The following ITGAD variants were observed in gnomAD, a reference collection of about 807,000 sequenced individuals.
The protein encoded by ITGAD is integrin alpha-D.
Under a neutral mutation model 139.0 loss-of-function variants are expected in ITGAD, and 105 were observed. The observed-to-expected ratio is 0.76, with a 90% CI of 0.65 to 0.89. The LOEUF (loss-of-function observed/expected upper bound fraction) is 0.89. Ranked by LOEUF, ITGAD falls within the 40% of genes least tolerant of loss-of-function variation. The pLI is 0.00. For missense variants in ITGAD, 1,384 were observed against 1,487.3 expected (o/e 0.93, Z 1.14); for synonymous variants, 569 against 598.3 (o/e 0.95, Z 0.71).
rs373334422 is a variant in ITGAD, at chr16:31,414,436, T to C, written c.1997-15T>C. On this transcript the variant is annotated splice_polypyrimidine_tract_variant and intron_variant, in intron 16 of 29. Coordinates refer to ENST00000389202, the MANE Select transcript of ITGAD (RefSeq NM_005353.3). ...ATTTCTGCCTTTTCATTTTGCACTC[T>C]CCCCTGCACTTCAGGTGACATCCAA... 3.0e-5 allele frequency: 49 copies of C among 1,610,574 alleles called. No individual in the cohort carries two copies. The African/African-American group carries it at 6.0e-4, about 20-fold the overall frequency.
chr16:31,401,039 G>A (rs148486703), intron 5 of ITGAD, among the ~76,000 whole-genome samples: 100 of 152,188 alleles, frequency 6.6e-4, no homozygotes, highest in African/African-American at 2.1e-3. Flanking sequence ...TGAGTGGATC[G>A]TTAGAGCCCA....
chr16:31,401,494 G>A (rs980388662), intron 5 of ITGAD, among the ~76,000 whole-genome samples: 1 of 152,154 alleles, frequency 6.6e-6, no homozygotes. Context: ...GGGTAGGGTG[G>A]GGTCTGGGGT....
Position 31,408,877 on chromosome 16 carries a change from G to A in ITGAD, c.1083+379G>A, listed in dbSNP as rs542851286. Among the ~76,000 whole-genome samples the A allele has an allele frequency of 1.6e-3, 249 of 152,316 alleles. 1 individual carries two copies. The highest frequency in any genetic ancestry group is 1.2e-3 in the East Asian group (6 of 5,168). On this transcript the variant is annotated intron_variant, in intron 10 of 29. Coordinates refer to ENST00000389202, the MANE Select transcript of ITGAD (RefSeq NM_005353.3). ...GTCCTGAGGCAGGACCCAGGTCCTC[G>A]GCGGGAGAGATCCGGGCTTGCCAGA...
rs554776203 is a variant in ITGAD at position 31,420,607 on chromosome 16, T to C, written c.2780+2043T>C. On this transcript the variant is annotated intron_variant, in intron 23 of 29. Transcript: ENST00000389202. ...GTTTGTTTTTGAGATGGAGTTTCAC[T>C]CTTGTTGCCCAGGCTGGAGTGCAAT... Among the ~76,000 whole-genome samples the C allele has an allele frequency of 4.0e-5, 6 of 151,472 alleles. No individual in the cohort carries two copies. In the South Asian group the frequency reaches 1.3e-3, roughly 32 times the overall value.
At position 31,424,522 on chromosome 16, in the gene ITGAD, G is replaced by A. The variant is rs769321087; in HGVS notation, c.3317G>A (p.Gly1106Asp). The change falls in exon 29 of 30, where the codon GGC becomes GAC. Residue 1106 changes from glycine to aspartate, a missense_variant. Gly to Asp is a moderately conservative substitution (Grantham distance 94, BLOSUM62 -1). Transcript: ENST00000389202. The part of the protein sequence containing the change: ...EVYNAIPIIM[G>D]SSVGALLLLA... The stretch of plus-strand genomic sequence containing the variant: ...TACAATGCCATTCCCATCATCATGG[G>A]CAGCTCTGTGGGGGCTCTGCTACTG... The A allele has an allele frequency of 6.2e-7, 1 of 1,614,028 alleles. No homozygotes were observed.
Position 31,414,528 on chromosome 16 carries a change from A to G in ITGAD, c.2074A>G (p.Thr692Ala), listed in dbSNP as rs780575343. ...GACTTCTCGTGCCATTTTCAATGAAACCAAGAACCCCACTTTGACTCGAAG... is the reference window on the plus strand; with the variant it reads ...GACTTCTCGTGCCATTTTCAATGAAGCCAAGAACCCCACTTTGACTCGAAG... ...RLTSRAIFNE[T>A]KNPTLTRRKT... is the part of the protein sequence containing the mutation. The change falls in exon 17 of 30, where the codon ACC (threonine) becomes GCC (alanine). Residue 692 changes from threonine to alanine, a missense_variant. Transcript: ENST00000389202. 3.7e-6 allele frequency: 6 copies of G among 1,614,208 alleles called. No homozygotes were observed. The East Asian group carries it at 1.3e-4, about 36-fold the overall frequency.
chr16:31,396,398 G>C (rs1448075665), intron 2 of ITGAD, among the ~76,000 whole-genome samples: 1 of 152,192 alleles, frequency 6.6e-6, no homozygotes, highest in Non-Finnish European at 1.5e-5. Flanking sequence ...GCTTGAACCT[G>C]GGAGGTGGAG....
rs150458084 is a variant in ITGAD, at chr16:31,424,572, T to C, written c.3367T>C (p.Tyr1123His). 1 of 1,581,248 alleles carries C rather than the reference T, an allele frequency of 6.3e-7. No homozygotes were observed. Among genetic ancestry groups the C allele is most frequent in the Admixed American group, 1.9e-5 (1 of 52,596 alleles). ...GCTGGCGCTCATCACAGCCACACTG[T>C]ACAAGGCAAGTGTTTTATCCAACTC... is the stretch of plus-strand genomic sequence containing the variant. Reference protein sequence around the residue: ...LLLALITATLYKLGFFKRHYK... With the variant: ...LLLALITATLHKLGFFKRHYK... Residue 1123 changes from tyrosine (Y) to histidine (H), a missense_variant, in exon 29 of 30, where the codon TAC (tyrosine) becomes CAC (histidine). By Grantham distance (83) the Tyr-to-His change is moderately conservative. Transcript: ENST00000389202.
rs552985038 is a variant in ITGAD at position 31,407,542 on chromosome 16, G to A, written c.732G>A (p.Gly244=). The part of the protein sequence containing the change: ...VVTQLFHHKN[G]ARKSAKKILI... ...CACAGCTATTTCATCATAAGAATGGGGCCCGAAAAAGTGCCAAGAAGATCC... is the reference window on the plus strand; with the variant it reads ...CACAGCTATTTCATCATAAGAATGGAGCCCGAAAAAGTGCCAAGAAGATCC... Residue 244 remains glycine (G), a synonymous_variant, in exon 8 of 30, where the codon GGG becomes GGA. Transcript: ENST00000389202. 6.2e-7 allele frequency: 1 copy of A among 1,603,048 alleles called. No homozygotes were observed. Among genetic ancestry groups the A allele is most frequent in the Admixed American group, 1.7e-5 (1 of 58,810 alleles).
chr16:31,410,897 C>T lies in ITGAD; in HGVS notation c.1356+19C>T. 3 of 1,599,006 alleles carry T rather than the reference C, an allele frequency of 1.9e-6. No individual in the cohort carries two copies. Among genetic ancestry groups the T allele is most frequent in the Non-Finnish European group, 2.6e-6 (3 of 1,174,838 alleles). ...GACGCAGGTTGGGCGTGACAGGAGC[C>T]AGAGGGGAGGATGAGGGTGGGGAGG... On this transcript the variant is annotated intron_variant, in intron 12 of 29. Coordinates refer to ENST00000389202, the MANE Select transcript of ITGAD (RefSeq NM_005353.3).
At chr16:31,420,192 C>CA (rs1324738162) in intron 23 of ITGAD, among the ~76,000 whole-genome samples, 1 of 152,096 alleles carries the variant, frequency 6.6e-6, no homozygotes, top group African/African-American at 2.4e-5. Context: ...CTATAAAACT[C>CA]AGAGTGGGGC....
In ITGAD at chr16:31,397,813, C is replaced by A. The variant is rs143128113; in HGVS notation, c.331C>A (p.His111Asn). ...SRLLACGPTL[H>N]RVCGENSYSK... ...CCTCCAGGCCTGTGGCCCGACCCTG[C>A]ACAGAGTCTGTGGGGAGAACTCATA... Residue 111 changes from histidine (H) to asparagine (N), a missense_variant, in exon 5 of 30, where the codon CAC (histidine) becomes AAC (asparagine). Physicochemically the swap from His to Asn is moderately conservative, Grantham distance 68 (BLOSUM62 1). Transcript: ENST00000389202. The A allele has an allele frequency of 4.3e-5, 69 of 1,613,318 alleles. No homozygotes were observed. Among genetic ancestry groups the A allele is most frequent in the Non-Finnish European group, 5.9e-6 (7 of 1,179,914 alleles).
rs2081705182 is a variant in ITGAD at position 31,411,356 on chromosome 16, C to T, written c.1546C>T (p.Pro516Ser). Residue 516 changes from proline to serine, a missense_variant, in exon 14 of 30, where the codon CCC becomes TCC. Coordinates refer to ENST00000389202, the MANE Select transcript of ITGAD (RefSeq NM_005353.3). ...TGTTCTCCGTGGTGAGCAGGGCCAC[C>T]CCTGGGGCCGCTTTGGGGCAGCCCT... ...DAVLRGEQGHPWGRFGAALTV... is the reference protein window; with the variant it reads ...DAVLRGEQGHSWGRFGAALTV... 6.2e-7 allele frequency: 1 copy of T among 1,613,866 alleles called. No individual in the cohort carries two copies. Among genetic ancestry groups the T allele is most frequent in the Non-Finnish European group, 8.5e-7 (1 of 1,179,920 alleles).
chr16:31,395,131 A>C (rs1466127254), intron 2 of ITGAD, among the ~76,000 whole-genome samples: 1 of 152,172 alleles, frequency 6.6e-6, no homozygotes, highest in Admixed American at 6.5e-5. Flanking sequence ...AGTTTGGCCA[A>C]CACAGCAAAA....
At chr16:31,424,048 G>A in intron 27 of ITGAD, 54 bp from the exon 28 acceptor site, 1 of 1,610,206 alleles carries the variant, frequency 6.2e-7, no homozygotes. Flanking sequence ...CACCCCCGAA[G>A]CTCTGAGCCT....
Position 31,403,644 on chromosome 16 carries a change from G to T in ITGAD, c.703G>T (p.Val235Leu), listed in dbSNP as rs748166194. The T allele has an allele frequency of 1.9e-6, 3 of 1,614,030 alleles. No homozygotes were observed. The highest frequency in any genetic ancestry group is 2.5e-6 in the Non-Finnish European group (3 of 1,180,028). ...CACGGCCACGGGCATCCTGACAGTG[G>T]TGTAAGCAACCCCGACCCCAGCCTG... Reference protein sequence around the residue: ...TFTATGILTVVTQLFHHKNGA... With the variant: ...TFTATGILTVLTQLFHHKNGA... The change falls in exon 7 of 30, where the codon GTG becomes TTG. Residue 235 changes from valine to leucine, a missense_variant and splice_region_variant. Val to Leu is a conservative substitution (Grantham distance 32). Transcript: ENST00000389202. This position sits in a 1 kb window ranked among gnomAD's most constrained non-coding sequence, Gnocchi z 4.4.
At chr16:31,402,808 T>C in intron 6 of ITGAD, 1 of 152,402 alleles carries the variant, frequency 6.6e-6, no homozygotes, top group Non-Finnish European at 1.5e-5. Flanking sequence ...GGTCTTGTTA[T>C]ATTGCCCAAC....
At position 31,424,571 on chromosome 16, in the gene ITGAD, G is replaced by A; in HGVS notation, c.3366G>A (p.Leu1122=). The A allele has an allele frequency of 6.4e-7, 1 of 1,566,466 alleles. No individual in the cohort carries two copies. Among genetic ancestry groups the A allele is most frequent in the South Asian group, 1.2e-5 (1 of 85,848 alleles). ...LLLLALITAT[L]YKLGFFKRHY... Reference sequence around the variant, plus strand: ...TGCTGGCGCTCATCACAGCCACACTGTACAAGGCAAGTGTTTTATCCAACT... The same window carrying A: ...TGCTGGCGCTCATCACAGCCACACTATACAAGGCAAGTGTTTTATCCAACT... Residue 1122 remains leucine (L), a synonymous_variant, in exon 29 of 30, where the codon CTG becomes CTA. Coordinates refer to ENST00000389202, the MANE Select transcript of ITGAD (RefSeq NM_005353.3).
rs1046723193 is a variant in ITGAD, at chr16:31,418,648, A to G, written c.2780+84A>G. 3.1e-5 allele frequency: 31 copies of G among 993,408 alleles called. No individual in the cohort carries two copies. The African/African-American group carries it at 3.8e-4, about 12-fold the overall frequency. The allele number at this position is 993,408 out of a possible 1,614,324, so 61.5% of individuals were successfully genotyped here. A position where few individuals can be genotyped will look rare whatever the true frequency, so the allele number is the denominator to read the frequency against. On this transcript the variant is annotated intron_variant, in intron 23 of 29. Transcript: ENST00000389202. The stretch of plus-strand genomic sequence containing the variant: ...TTCTGAGTCCCAGCCTGCTCTTCCA[A>G]TGATGCACATCTAAGCTCTCCTGTT...
Sources: allele counts gnomAD v4.1 joint callset (sites outside exome capture counted in the v4.1 genomes callset), GRCh38; gene constraint gnomAD v4.1.1; non-coding constraint Gnocchi (gnomAD v3.1); transcripts MANE v1.5; gene names NCBI Gene and HGNC (gene_info 2026-07-23, HGNC 2026-07-21).